STPG2: variants seen among roughly 807,000 people sequenced by gnomAD.
STPG2 encodes the protein sperm-tail PG-rich repeat-containing protein 2.
STPG2 carries 56 observed loss-of-function variants against 54.2 expected under a neutral mutation model. The ratio of observed to expected loss-of-function variants is 1.03; its 90% confidence interval spans 0.83 to 1.29. The LOEUF (loss-of-function observed/expected upper bound fraction) is 1.29, where lower values mean the gene tolerates loss of function less well. Ranked by LOEUF, STPG2 falls within the 50% of genes most tolerant of loss-of-function variation. The pLI, the probability that STPG2 is intolerant of heterozygous loss-of-function variation, is 0.00. For missense variants in STPG2, 596 were observed against 544.9 expected, an observed-to-expected ratio of 1.09 and a Z score of -0.93; for synonymous variants, 200 against 181.8, an observed-to-expected ratio of 1.10 and a Z score of -0.81.
At chr4:97,826,634 C>T (rs1381901822) in intron 9 of STPG2, among the ~76,000 whole-genome samples, 1 of 152,108 alleles carries the variant, frequency 6.6e-6, no homozygotes, top group East Asian at 1.9e-4. Context: ...TTGAATTTGA[C>T]ATCAATAATG....
intron 8 of STPG2, among the ~76,000 whole-genome samples, chr4:97,861,655 T>A (rs576272659): frequency 6.6e-6 from 1 of 152,110 alleles, no homozygotes; most frequent in African/African-American, 2.4e-5. Flanking sequence ...GAAAAAAATG[T>A]TAAGGGCAGC....
intron 9 of STPG2, among the ~76,000 whole-genome samples, chr4:97,734,669 C>T (rs144161873): frequency 2.4e-4 from 37 of 151,910 alleles, no homozygotes; most frequent in African/African-American, 8.5e-4. Flanking sequence ...AAATGTGGTG[C>T]AGGAAAAAAA....
intron 8 of STPG2, among the ~76,000 whole-genome samples, chr4:97,903,315 A>G (rs181285832): frequency 6.6e-5 from 10 of 152,314 alleles, no homozygotes; most frequent in East Asian, 1.9e-4. Context: ...ATATGTGTGT[A>G]TCTCAAAACA....
chr4:97,550,415 G>A (rs1731938372), intron 4 of STPG2, among the ~76,000 whole-genome samples: 1 of 152,116 alleles, frequency 6.6e-6, no homozygotes, highest in Non-Finnish European at 1.5e-5. Context: ...TTATAATCTT[G>A]TAAGTAAATT....
chr4:97,901,636 T>G (rs963617175), intron 8 of STPG2, among the ~76,000 whole-genome samples: 1 of 151,892 alleles, frequency 6.6e-6, no homozygotes, highest in Non-Finnish European at 1.5e-5. Flanking sequence ...AAGATCTGTA[T>G]GCTGAAAACT....
intron 5 of STPG2, among the ~76,000 whole-genome samples, chr4:97,995,119 C>A (rs1735159784): frequency 2.0e-5 from 3 of 152,046 alleles, no homozygotes; most frequent in Admixed American, 2.0e-4. Context: ...CCTACTCCCC[C>A]ATGCTGCCTG....
At chr4:97,637,375 C>A (rs1377468810) in intron 10 of STPG2, among the ~76,000 whole-genome samples, 2 of 152,156 alleles carry the variant, frequency 1.3e-5, no homozygotes, top group African/African-American at 4.8e-5. Flanking sequence ...GACAAACCCA[C>A]AGCCAATATC....
At chr4:98,034,634 T>G (rs1238044072) in intron 5 of STPG2, among the ~76,000 whole-genome samples, 1 of 152,152 alleles carries the variant, frequency 6.6e-6, no homozygotes, top group Non-Finnish European at 1.5e-5. Flanking sequence ...AGAGCCCTCA[T>G]AGACAAGACA....
At chr4:97,657,002 T>C (rs1368385574) in intron 10 of STPG2, among the ~76,000 whole-genome samples, 2 of 152,032 alleles carry the variant, frequency 1.3e-5, no homozygotes, top group Non-Finnish European at 2.9e-5. Flanking sequence ...GCAATTGCAG[T>C]TTATTTTTCA....
chr4:97,731,118 T>G (rs558978660), intron 9 of STPG2, among the ~76,000 whole-genome samples: 3 of 152,354 alleles, frequency 2.0e-5, no homozygotes, highest in Non-Finnish European at 4.4e-5. Context: ...CTTTCTCATC[T>G]GAGAGGGCTA....
chr4:97,568,900 GTTTT>G (rs70953073), intron 10 of STPG2, among the ~76,000 whole-genome samples: 3 of 143,746 alleles, frequency 2.1e-5, no homozygotes, highest in Non-Finnish European at 3.0e-5. Flanking sequence ...TTTTTGTTTT[GTTTT>G]TTTTTTTGTT....
chr4:97,763,459 T>C (rs1434983702), intron 9 of STPG2, among the ~76,000 whole-genome samples: 3 of 152,196 alleles, frequency 2.0e-5, no homozygotes, highest in East Asian at 1.9e-4. Flanking sequence ...TCATCCAACA[T>C]GTTTCTAGTA....
rs987220488 is a variant in STPG2 at position 97,942,356 on chromosome 4, CAAT to C, written c.1044+1538_1044+1540del. Among the ~76,000 whole-genome samples the C allele has an allele frequency of 5.7e-3, 863 of 152,012 alleles. 6 individuals carry two copies. Among genetic ancestry groups the C allele is most frequent in the Middle Eastern group, 0.02 (6 of 294 alleles). ...ACAATGGATCCTGAGGTGTGTACAACAATGACTCACTTGAAAAATACAGTTGAA... is the reference window on the plus strand; with the variant it reads ...ACAATGGATCCTGAGGTGTGTACAACGACTCACTTGAAAAATACAGTTGAA... On this transcript the variant is annotated intron_variant, in intron 8 of 10. Transcript: ENST00000295268.
intron 8 of STPG2, among the ~76,000 whole-genome samples, chr4:97,882,139 CTTAAGA>C (rs1158596223): frequency 6.6e-6 from 1 of 152,032 alleles, no homozygotes; most frequent in Non-Finnish European, 1.5e-5. Context: ...CAGTGGGTTG[CTTAAGA>C]TTAAGTGTGG....
chr4:97,624,237 C>T (rs1293377597), intron 10 of STPG2, among the ~76,000 whole-genome samples: 1 of 152,204 alleles, frequency 6.6e-6, no homozygotes, highest in African/African-American at 2.4e-5. Context: ...AATGGTTGAA[C>T]TAATTTACAT....
At chr4:97,604,644 C>T (rs1733549164) in intron 10 of STPG2, among the ~76,000 whole-genome samples, 3 of 151,664 alleles carry the variant, frequency 2.0e-5, no homozygotes, top group South Asian at 2.1e-4. Context: ...GCTCATATTT[C>T]GTTGACTCAT....
chr4:97,613,476 G>A (rs1002153141), intron 10 of STPG2, among the ~76,000 whole-genome samples: 2 of 22,184 alleles, frequency 9.0e-5, no homozygotes, highest in Non-Finnish European at 1.3e-4. Flanking sequence ...GTCATCACCC[G>A]TGTGTGTGTG....
chr4:98,068,172 T>C (rs1161318696), intron 5 of STPG2, among the ~76,000 whole-genome samples: 1 of 152,196 alleles, frequency 6.6e-6, no homozygotes, highest in Non-Finnish European at 1.5e-5. Context: ...ATGTTCCCTC[T>C]ACCTGGAACA....
intron 9 of STPG2, among the ~76,000 whole-genome samples, chr4:97,762,840 G>C (rs1249801424): frequency 6.6e-6 from 1 of 152,094 alleles, no homozygotes; most frequent in Non-Finnish European, 1.5e-5. Context: ...CTAAAAAAGA[G>C]GAATAATCAG....
Sources: gnomAD v4.1 joint callset for allele counts (sites outside exome capture counted in the v4.1 genomes callset) on GRCh38, gnomAD v4.1.1 for gene constraint, MANE v1.5 for transcripts, NCBI Gene and HGNC (gene_info 2026-07-23, HGNC 2026-07-21) for gene names.